ATG7: variants seen among roughly 807,000 people sequenced by gnomAD.
ATG7 encodes the protein autophagy related 7, also known as ubiquitin-like modifier-activating enzyme ATG7.
ATG7 carries 70 observed loss-of-function variants against 82.4 expected under a neutral mutation model. The observed-to-expected ratio is 0.85, with a 90% CI of 0.70 to 1.04. The LOEUF is 1.04. Ranked by LOEUF, ATG7 falls within the 50% of genes least tolerant of loss-of-function variation. The pLI is 0.00. For synonymous variants in ATG7, 287 were observed against 313.0 expected (o/e 0.92, Z 0.88); for missense variants, 792 against 864.3 (o/e 0.92, Z 1.05).
intron 20 of ATG7, among the ~76,000 whole-genome samples, chr3:11,528,363 C>A (rs1053392740): frequency 6.6e-6 from 1 of 152,108 alleles, no homozygotes; most frequent in Non-Finnish European, 1.5e-5. Context: ...TCAGAGGAAT[C>A]GCAGTCAGTC....
Position 11,491,269 on chromosome 3 carries a change from C to A in ATG7, c.2080-63542C>A, listed in dbSNP as rs28805601. On this transcript the variant is annotated intron_variant, in intron 20 of 20. Transcript: ENST00000693202. ...TTTCTTCCACTTGATTGCATTGGCT[C>A]CTGAGGCTTCTGCATTCTTCACGTA... Among the ~76,000 whole-genome samples the A allele has an allele frequency of 2.0e-4, 31 of 152,062 alleles. No homozygotes were observed. In the South Asian group the frequency reaches 6.4e-3, roughly 32 times the overall value.
intron 19 of ATG7, among the ~76,000 whole-genome samples, chr3:11,409,445 A>G (rs2080681843): frequency 1.3e-5 from 2 of 152,356 alleles, no homozygotes; most frequent in East Asian, 1.9e-4. Context: ...GCAGGCTGAC[A>G]TAAATGTTCT....
At chr3:11,511,687 T>C (rs2092067257) in intron 20 of ATG7, among the ~76,000 whole-genome samples, 1 of 152,092 alleles carries the variant, frequency 6.6e-6, no homozygotes, top group Non-Finnish European at 1.5e-5. Flanking sequence ...CAGGAGCCCA[T>C]GGCGGGGGTG....
chr3:11,343,300 T>G (rs925303161), intron 13 of ATG7, among the ~76,000 whole-genome samples: 11 of 152,210 alleles, frequency 7.2e-5, no homozygotes, highest in African/African-American at 2.7e-4. Context: ...TTTTCCACGC[T>G]CTTGCCAAAA....
rs535660919 is a variant in ATG7 at position 11,438,276 on chromosome 3, T to TC, written c.2079+11352dup. 1.2e-4 allele frequency among the ~76,000 whole-genome samples: 18 copies of TC among 152,224 alleles called. No homozygotes were observed. In the South Asian group the frequency reaches 3.5e-3, roughly 30 times the overall value. On this transcript the variant is annotated intron_variant, in intron 20 of 20. Transcript: ENST00000693202. ...AGCAGTGGTTCCCACCCATCCTCCA[T>TC]CCAGGGTCCCCAATGGTGGAGGCTT...
intron 12 of ATG7, among the ~76,000 whole-genome samples, chr3:11,341,479 C>T (rs1953612492): frequency 6.6e-6 from 1 of 150,966 alleles, no homozygotes; most frequent in African/African-American, 2.4e-5. Flanking sequence ...CAGAGTTTCA[C>T]TCCTGTTGCC....
chr3:11,338,105 C>T (rs1952830411), intron 11 of ATG7, among the ~76,000 whole-genome samples: 1 of 152,160 alleles, frequency 6.6e-6, no homozygotes, highest in African/African-American at 2.4e-5. Context: ...CCTCTCCCTC[C>T]TCCCACCCTT....
At chr3:11,514,033 G>C (rs1575144778) in intron 20 of ATG7, among the ~76,000 whole-genome samples, 1 of 152,138 alleles carries the variant, frequency 6.6e-6, no homozygotes, top group East Asian at 1.9e-4. Flanking sequence ...ACTATGCCAA[G>C]CTAATTTTTT....
At chr3:11,287,269 C>G (rs1559328276) in intron 3 of ATG7, among the ~76,000 whole-genome samples, 1 of 152,054 alleles carries the variant, frequency 6.6e-6, no homozygotes, top group African/African-American at 2.4e-5. Flanking sequence ...ATATAGCTGC[C>G]AGGGGAGGAG....
chr3:11,312,322 G>A (rs532193115), intron 7 of ATG7, among the ~76,000 whole-genome samples: 6 of 152,192 alleles, frequency 3.9e-5, no homozygotes, highest in Non-Finnish European at 8.8e-5. Flanking sequence ...ACCCACATAT[G>A]TCTGGAATGC....
At chr3:11,357,294 T>A (rs963183873) in intron 14 of ATG7, among the ~76,000 whole-genome samples, 2 of 152,154 alleles carry the variant, frequency 1.3e-5, no homozygotes, top group Non-Finnish European at 2.9e-5. Flanking sequence ...TGCCAAAATA[T>A]TATGTGGTCA....
At chr3:11,432,370 T>G (rs1217790211) in intron 20 of ATG7, among the ~76,000 whole-genome samples, 1 of 152,216 alleles carries the variant, frequency 6.6e-6, no homozygotes, top group South Asian at 2.1e-4. Context: ...ATTAATTTTA[T>G]TAATCTCAAG....
intron 3 of ATG7, among the ~76,000 whole-genome samples, chr3:11,288,183 A>G (rs1293340467): frequency 6.6e-6 from 1 of 152,170 alleles, no homozygotes; most frequent in Non-Finnish European, 1.5e-5. Context: ...TAATCATCCA[A>G]TATATGCTTG....
At chr3:11,343,154 C>T (rs1020733304) in intron 13 of ATG7, among the ~76,000 whole-genome samples, 1 of 152,156 alleles carries the variant, frequency 6.6e-6, no homozygotes, top group Admixed American at 6.5e-5. Context: ...GTCTTGAACT[C>T]TTGCCCTCAA....
chr3:11,363,442 C>T (rs945622326), intron 17 of ATG7, among the ~76,000 whole-genome samples: 17 of 152,234 alleles, frequency 1.1e-4, no homozygotes, highest in African/African-American at 4.1e-4. Context: ...GGGGTTTTGC[C>T]ATGTTGGTCA....
intron 10 of ATG7, among the ~76,000 whole-genome samples, chr3:11,331,874 C>T (rs983445358): frequency 4.6e-5 from 7 of 152,118 alleles, no homozygotes; most frequent in Non-Finnish European, 7.4e-5. Context: ...AAATTAAAAC[C>T]ATAATGAGAT....
Position 11,556,799 on chromosome 3 carries a change from T to C in ATG7, c.*1956T>C, listed in dbSNP as rs898300582. 3 of 152,806 alleles carry C rather than the reference T, an allele frequency of 2.0e-5. No individual in the cohort carries two copies. The highest frequency in any genetic ancestry group is 4.4e-5 in the Non-Finnish European group (3 of 68,042). 9.5% of individuals were successfully genotyped at this position (152,806 alleles called of 1,614,324 possible). A position where few individuals can be genotyped will look rare whatever the true frequency, so the allele number is the denominator to read the frequency against. The stretch of plus-strand genomic sequence containing the variant: ...ATATAGAAAAGTGTTCTCAACGATT[T>C]TTCCTACAGAAAATATAGGGGCCTG... On this transcript the variant is annotated 3_prime_UTR_variant, in exon 21 of 21. Transcript: ENST00000693202.
At chr3:11,546,253 C>T (rs1037212831) in intron 20 of ATG7, among the ~76,000 whole-genome samples, 1 of 140,656 alleles carries the variant, frequency 7.1e-6, no homozygotes, top group Non-Finnish European at 1.5e-5. Context: ...TTCACTGCAA[C>T]CTCTTCCTTC....
intron 20 of ATG7, among the ~76,000 whole-genome samples, chr3:11,453,390 G>C (rs898791500): frequency 1.3e-5 from 2 of 152,156 alleles, no homozygotes; most frequent in Non-Finnish European, 2.9e-5. Flanking sequence ...GGGATAAAAG[G>C]ATATGCTTGC....
Sources: gnomAD v4.1 joint callset for allele counts (sites outside exome capture counted in the v4.1 genomes callset) on GRCh38, gnomAD v4.1.1 for gene constraint, MANE v1.5 for transcripts, NCBI Gene and HGNC (gene_info 2026-07-23, HGNC 2026-07-21) for gene names.